ATP8B1: variants seen among roughly 807,000 people sequenced by gnomAD.
ATP8B1 encodes ATPase phospholipid transporting 8B1.
ATP8B1 carries 80 observed loss-of-function variants against 149.9 expected under a neutral mutation model. That is an observed-to-expected ratio of 0.53 (90% CI 0.45 to 0.64). The LOEUF (loss-of-function observed/expected upper bound fraction) is 0.64. ATP8B1 is among the 30% of genes least tolerant of loss of function. ATP8B1 has a pLI of 0.00. For missense variants in ATP8B1, 1,247 were observed against 1,552.6 expected, an observed-to-expected ratio of 0.80 and a Z score of 3.31; for synonymous variants, 536 against 562.8, an observed-to-expected ratio of 0.95 and a Z score of 0.67.
intron 15 of ATP8B1, among the ~76,000 whole-genome samples, chr18:57,679,652 T>G (rs1029218537): frequency 6.6e-6 from 1 of 152,124 alleles, no homozygotes; most frequent in Non-Finnish European, 1.5e-5. Flanking sequence ...CCTTCACAAC[T>G]GCCTCAGCTG....
intron 2 of ATP8B1, among the ~76,000 whole-genome samples, chr18:57,713,179 C>CT (rs200944828): frequency 1.2e-4 from 9 of 74,924 alleles, no homozygotes; most frequent in South Asian, 5.6e-4. Context: ...TTCTTTCTTT[C>CT]TTTCTTTCTT....
At chr18:57,662,416 C>A (rs1910519183) in intron 21 of ATP8B1, 67 bp downstream of exon 21, 3 of 1,597,498 alleles carry the variant, frequency 1.9e-6, no homozygotes, top group Non-Finnish European at 2.6e-6. Flanking sequence ...GTGAAAGCAT[C>A]TAAAAGTGGC....
chr18:57,664,079 T>A (rs1910700404), intron 20 of ATP8B1, among the ~76,000 whole-genome samples: 1 of 151,612 alleles, frequency 6.6e-6, no homozygotes, highest in African/African-American at 2.4e-5. Context: ...CTTTTTTTTT[T>A]TTTTTTTTAA....
At chr18:57,669,576 A>G in intron 17 of ATP8B1, 94 bp from the exon 18 acceptor site, 1 of 1,153,054 alleles carries the variant, frequency 8.7e-7, no homozygotes, top group African/African-American at 1.6e-5. Context: ...GAAGTAATAT[A>G]CTAACAGAAT....
At chr18:57,762,027 C>CT (rs1178827803) in intron 1 of ATP8B1, among the ~76,000 whole-genome samples, 3 of 150,734 alleles carry the variant, frequency 2.0e-5, no homozygotes. Context: ...CCCACATATC[C>CT]TTTCAGCCCC....
At chr18:57,733,765 C>A (rs2079816553) in intron 1 of ATP8B1, among the ~76,000 whole-genome samples, 1 of 151,090 alleles carries the variant, frequency 6.6e-6, no homozygotes, top group South Asian at 2.1e-4. Context: ...AAGGAGAGGT[C>A]TATGCTCTAT....
At chr18:57,794,595 G>C (rs542633966) in intron 1 of ATP8B1, among the ~76,000 whole-genome samples, 60 of 151,888 alleles carry the variant, frequency 4.0e-4, no homozygotes, top group Admixed American at 7.2e-4. Flanking sequence ...ACAGAGGAAA[G>C]AGTCACCCAT....
At position 57,678,566 on chromosome 18, in the gene ATP8B1, G is replaced by A. The variant is rs1163706980; in HGVS notation, c.1631-3544C>T. Among the ~76,000 whole-genome samples, 13 of 139,546 alleles carry A rather than the reference G, an allele frequency of 9.3e-5. No individual in the cohort carries two copies. The South Asian group carries it at 3.1e-3, about 33-fold the overall frequency. 91.5% of individuals were successfully genotyped at this position (139,546 alleles called of 152,430 possible). ...CACACCATTGCACTCCAGCCCAGGC[G>A]ATAGTTCGAGATTCTATCTCAAAAA... On this transcript the variant is annotated intron_variant, in intron 15 of 27. Coordinates refer to ENST00000648908, the MANE Select transcript of ATP8B1 (RefSeq NM_001374385.1).
chr18:57,760,236 A>G (rs8085691), intron 1 of ATP8B1, among the ~76,000 whole-genome samples: 1 of 152,248 alleles, frequency 6.6e-6, no homozygotes, highest in East Asian at 1.9e-4. Flanking sequence ...AGATGAATTC[A>G]GTACAATAAT....
At chr18:57,671,633 TA>T (rs1911224176) in intron 16 of ATP8B1, 53 bp from the exon 17 acceptor site, 75 of 1,285,848 alleles carry the variant, frequency 5.8e-5, no homozygotes, top group Non-Finnish European at 8.1e-5. Flanking sequence ...TTTATATATA[TA>T]TTTTTTGAGA....
chr18:57,664,105 T>G (rs1488318174), intron 20 of ATP8B1, among the ~76,000 whole-genome samples: 1 of 151,252 alleles, frequency 6.6e-6, no homozygotes, highest in Non-Finnish European at 1.5e-5. Context: ...CGACATGTAA[T>G]TTTACTATGT....
chr18:57,770,933 G>A (rs1432773213), intron 1 of ATP8B1, among the ~76,000 whole-genome samples: 2 of 152,128 alleles, frequency 1.3e-5, no homozygotes, highest in African/African-American at 2.4e-5. Flanking sequence ...GCACGATCTC[G>A]GCTCACTGCA....
chr18:57,728,230 C>G (rs2079727781), intron 2 of ATP8B1, among the ~76,000 whole-genome samples: 1 of 151,702 alleles, frequency 6.6e-6, no homozygotes, highest in Admixed American at 6.6e-5. Flanking sequence ...CAGTGTTTTG[C>G]TAGAATGGGT....
At chr18:57,706,438 A>T in intron 3 of ATP8B1, 52 bp downstream of exon 3, 1 of 1,467,948 alleles carries the variant, frequency 6.8e-7, no homozygotes. Flanking sequence ...CATGCCAGCT[A>T]CTGGAAAAAA....
At chr18:57,792,980 G>A (rs906805390) in intron 1 of ATP8B1, among the ~76,000 whole-genome samples, 6 of 152,140 alleles carry the variant, frequency 3.9e-5, no homozygotes, top group Non-Finnish European at 7.4e-5. Context: ...CCTGAAAACC[G>A]CCTCTTTTTT....
At chr18:57,725,609 C>G (rs1397817369) in intron 2 of ATP8B1, among the ~76,000 whole-genome samples, 1 of 152,204 alleles carries the variant, frequency 6.6e-6, no homozygotes, top group Non-Finnish European at 1.5e-5. Flanking sequence ...CTGTAGGAAT[C>G]ACACTACCTG....
At chr18:57,656,414 C>T (rs1315240541) in intron 22 of ATP8B1, among the ~76,000 whole-genome samples, 10 of 139,266 alleles carry the variant, frequency 7.2e-5, no homozygotes, top group Non-Finnish European at 1.2e-4. Flanking sequence ...GAGATGAAGT[C>T]TCACTCTGTC....
At chr18:57,772,630 G>A (rs1015330399) in intron 1 of ATP8B1, among the ~76,000 whole-genome samples, 1 of 151,232 alleles carries the variant, frequency 6.6e-6, no homozygotes, top group African/African-American at 2.4e-5. Context: ...TAAACAACAC[G>A]TCCCGACCTC....
chr18:57,670,510 T>C (rs317841), intron 17 of ATP8B1, among the ~76,000 whole-genome samples: 151,492 of 151,826 alleles, frequency 1, 75,583 homozygotes, highest in Middle Eastern at 1. Context: ...TGCCACTGCA[T>C]CTGGCTAATC....
Sources: allele counts gnomAD v4.1 joint callset (sites outside exome capture counted in the v4.1 genomes callset), GRCh38; gene constraint gnomAD v4.1.1; transcripts MANE v1.5; gene names NCBI Gene and HGNC (gene_info 2026-07-23, HGNC 2026-07-21).